Variants in BOC observed in about 807,000 individuals in gnomAD.
BOC encodes the protein BOC cell adhesion associated, oncogene regulated.
BOC carries 76 observed loss-of-function variants against 112.0 expected under a neutral mutation model. That is an observed-to-expected ratio of 0.68 (90% CI 0.56 to 0.82). BOC has a LOEUF of 0.82. Ranked by LOEUF, BOC falls within the 40% of genes least tolerant of loss-of-function variation. BOC has a pLI of 0.00. For synonymous variants in BOC, 580 were observed against 599.8 expected, an observed-to-expected ratio of 0.97 and a Z score of 0.48; for missense variants, 1,309 against 1,511.7, an observed-to-expected ratio of 0.87 and a Z score of 2.22.
chr3:113,275,354 CG>C (rs1276565157), intron 9 of BOC, among the ~76,000 whole-genome samples: 1 of 152,164 alleles, frequency 6.6e-6, no homozygotes, highest in East Asian at 1.9e-4. Context: ...TGACAGGATG[CG>C]GGGGCAGAGC....
chr3:113,285,666 T>G (rs1576520894), intron 19 of BOC, 101 bp downstream of exon 19: 4 of 1,203,512 alleles, frequency 3.3e-6, no homozygotes, highest in Non-Finnish European at 4.5e-6. Flanking sequence ...TGGGGCTTGG[T>G]AAGGAGCCAG....
intron 2 of BOC, among the ~76,000 whole-genome samples, chr3:113,231,115 G>T (rs1942540588): frequency 6.6e-6 from 1 of 152,174 alleles, no homozygotes; most frequent in Non-Finnish European, 1.5e-5. Context: ...ACATTTTATG[G>T]TTGAAGGGGT....
chr3:113,272,478 C>T lies in BOC; in HGVS notation c.736C>T (p.Gln246Ter), dbSNP rs1948225037. ...EAQTIIVTKG[Q>*]SLILECVASG... ...CCAAACCATCATCGTCACCAAAGGC[C>T]AGAGTCTCATTCTGGAGTGTGTGGC... Residue 246 changes from glutamine to a stop codon, truncating the protein, a stop_gained, in exon 7 of 20, where the codon CAG becomes TAG. Coordinates refer to ENST00000682979, the MANE Select transcript of BOC (RefSeq NM_001378074.1). LOFTEE classifies it high-confidence loss of function. 3 of 1,614,034 alleles carry T rather than the reference C, an allele frequency of 1.9e-6. No individual in the cohort carries two copies. Among genetic ancestry groups the T allele is most frequent in the Non-Finnish European group, 2.5e-6 (3 of 1,180,044 alleles).
chr3:113,236,282 GTATATATATATA>G (rs71706132), intron 2 of BOC, among the ~76,000 whole-genome samples: 7,248 of 64,542 alleles, frequency 0.11, 1,183 homozygotes, highest in African/African-American at 0.29. Context: ...ATACCCATGG[GTATATATATATA>G]TATATATATA....
At chr3:113,249,159 A>G (rs1945306164) in intron 2 of BOC, among the ~76,000 whole-genome samples, 1 of 152,106 alleles carries the variant, frequency 6.6e-6, no homozygotes, top group African/African-American at 2.4e-5. Context: ...GGGTGAGGAA[A>G]ATCAGAGCAG....
intron 4 of BOC, among the ~76,000 whole-genome samples, chr3:113,259,313 C>A (rs16860734): frequency 0.026 from 3,996 of 152,274 alleles, 61 homozygotes; most frequent in Middle Eastern, 0.065. Flanking sequence ...ATACTGGGTT[C>A]ATTTTCTAAG....
chr3:113,272,867 G>A (rs1319139517), intron 7 of BOC, among the ~76,000 whole-genome samples, 164 bp downstream of exon 7: 1 of 151,976 alleles, frequency 6.6e-6, no homozygotes, highest in Non-Finnish European at 1.5e-5. Context: ...GGATCCCAGA[G>A]TAAGAGCACG....
At position 113,276,542 on chromosome 3, in the gene BOC, A is replaced by G. The variant is rs150853188; in HGVS notation, c.1543-1553A>G. Among the ~76,000 whole-genome samples, 14 of 152,308 alleles carry G rather than the reference A, an allele frequency of 9.2e-5. No individual in the cohort carries two copies. In the East Asian group the frequency reaches 1.9e-3, roughly 21 times the overall value. On this transcript the variant is annotated intron_variant, in intron 9 of 19. Coordinates refer to ENST00000682979, the MANE Select transcript of BOC (RefSeq NM_001378074.1). Reference sequence around the variant, plus strand: ...TTGAAAGCAGTTCCTCTCTTACGGAACTAACAAGTCTTAAAGATCACCCGA... The same window carrying G: ...TTGAAAGCAGTTCCTCTCTTACGGAGCTAACAAGTCTTAAAGATCACCCGA...
chr3:113,219,035 T>C (rs539828140), intron 2 of BOC, among the ~76,000 whole-genome samples: 1 of 152,326 alleles, frequency 6.6e-6, no homozygotes, highest in Non-Finnish European at 1.5e-5. Flanking sequence ...GAACAGGTTG[T>C]CCAAAGGTGG....
At chr3:113,270,335 A>G (rs565629524) in intron 5 of BOC, 88 of 158,230 alleles carry the variant, frequency 5.6e-4, no homozygotes, top group African/African-American at 2.0e-3. Context: ...AATCCTTACA[A>G]TAGCCCTGAG....
intron 2 of BOC, among the ~76,000 whole-genome samples, chr3:113,232,849 T>G (rs1023688755): frequency 1.3e-5 from 2 of 152,228 alleles, no homozygotes; most frequent in African/African-American, 2.4e-5. Flanking sequence ...CAGTCATTGT[T>G]ATAGATGTTT....
chr3:113,229,122 TTGTCTCCTCC>T (rs1942172884), intron 2 of BOC, among the ~76,000 whole-genome samples: 1 of 152,034 alleles, frequency 6.6e-6, no homozygotes, highest in African/African-American at 2.4e-5. Flanking sequence ...GGGTAGAGGG[TTGTCTCCTCC>T]CCCAGTAGGG....
Position 113,268,460 on chromosome 3 carries a change from G to A in BOC, c.523+15G>A, listed in dbSNP as rs780813249. ...GGCCTCCAGAGGTGAGTGGGCAGGA[G>A]CCCAGAGGCCAAGGCTGAGGCCAGA... On this transcript the variant is annotated intron_variant, in intron 5 of 19. Coordinates refer to ENST00000682979, the MANE Select transcript of BOC (RefSeq NM_001378074.1). 4 of 1,612,630 alleles carry A rather than the reference G, an allele frequency of 2.5e-6. No individual in the cohort carries two copies. The highest frequency in any genetic ancestry group is 3.4e-6 in the Non-Finnish European group (4 of 1,179,414).
intron 6 of BOC, 76 bp downstream of exon 6, chr3:113,271,020 A>C: frequency 1.3e-6 from 2 of 1,597,904 alleles, no homozygotes; most frequent in South Asian, 2.2e-5. Flanking sequence ...AGGGAGGTAG[A>C]TACCTGGAGG....
intron 12 of BOC, 112 bp from the exon 13 acceptor site, chr3:113,279,712 T>C (rs968680522): frequency 8.2e-7 from 1 of 1,223,484 alleles, no homozygotes. Flanking sequence ...GAGAACTTGC[T>C]TTGGGGAAGG....
intron 4 of BOC, among the ~76,000 whole-genome samples, chr3:113,266,721 G>A (rs1013063099): frequency 3.9e-5 from 6 of 152,138 alleles, no homozygotes; most frequent in Admixed American, 6.5e-5. Flanking sequence ...TAGGTTCAGG[G>A]GACACAGACA....
Position 113,246,613 on chromosome 3 carries a change from A to G in BOC, c.-81-3109A>G, listed in dbSNP as rs147136985. 5.5e-3 allele frequency among the ~76,000 whole-genome samples: 833 copies of G among 152,298 alleles called. 3 individuals are homozygous for G. The highest frequency in any genetic ancestry group is 0.018 in the African/African-American group (760 of 41,544). On this transcript the variant is annotated intron_variant, in intron 2 of 19. Coordinates refer to ENST00000682979, the MANE Select transcript of BOC (RefSeq NM_001378074.1). ...GATACTAAATAAAATGCATCATTTT[A>G]TGTATTTATAATTTTATTTATTTAT...
At chr3:113,276,501 A>G (rs1418979347) in intron 9 of BOC, among the ~76,000 whole-genome samples, 1 of 152,218 alleles carries the variant, frequency 6.6e-6, no homozygotes, top group African/African-American at 2.4e-5. Context: ...GGGGTTGCCA[A>G]GGCAGAAGTT....
At chr3:113,236,474 T>C (rs1173245100) in intron 2 of BOC, among the ~76,000 whole-genome samples, 2 of 123,560 alleles carry the variant, frequency 1.6e-5, no homozygotes, top group Admixed American at 2.2e-4. Context: ...TGTGTACACA[T>C]AGACATAAAG....
Sources: gnomAD v4.1 joint callset for allele counts (sites outside exome capture counted in the v4.1 genomes callset) on GRCh38, gnomAD v4.1.1 for gene constraint, MANE v1.5 for transcripts, NCBI Gene and HGNC (gene_info 2026-07-23, HGNC 2026-07-21) for gene names.